The following TTLL7 variants were observed in gnomAD, a reference collection of about 807,000 sequenced individuals.
TTLL7 encodes tubulin polyglutamylase TTLL7.
TTLL7 carries 53 observed loss-of-function variants against 120.2 expected under a neutral mutation model. The observed-to-expected ratio is 0.44, with a 90% CI of 0.35 to 0.55. The LOEUF (loss-of-function observed/expected upper bound fraction) is 0.55, where lower values mean the gene tolerates loss of function less well. TTLL7 is among the 20% of genes least tolerant of loss of function. TTLL7 has a pLI of 0.00. For missense variants in TTLL7, 803 were observed against 1,054.7 expected (o/e 0.76, Z 3.31); for synonymous variants, 353 against 351.7 (o/e 1.00, Z -0.04).
intron 1 of TTLL7, among the ~76,000 whole-genome samples, chr1:83,975,078 C>T (rs1337785933): frequency 6.6e-6 from 1 of 152,064 alleles, no homozygotes; most frequent in Non-Finnish European, 1.5e-5. Flanking sequence ...GTGCCTATTA[C>T]ATAGTGAGCA....
In TTLL7 at chr1:83,917,833, A is replaced by G. The variant is rs1353799753; in HGVS notation, c.1501-143T>C. ...TTGCTCAGAAAAAAGGAGAAATATT[A>G]AAGGGTCACAGCAAATTCTCTTGAA... is the stretch of plus-strand genomic sequence containing the variant. On this transcript the variant is annotated intron_variant, in intron 13 of 20. Transcript: ENST00000260505. The G allele has an allele frequency of 4.8e-6, 3 of 620,326 alleles. No homozygotes were observed. In the African/African-American group the frequency reaches 5.5e-5, roughly 11 times the overall value. 38.4% of individuals were successfully genotyped at this position (620,326 alleles called of 1,614,324 possible).
rs142725383 is a variant in TTLL7 at position 83,934,836 on chromosome 1, T to C, written c.889-1070A>G. On this transcript the variant is annotated intron_variant, in intron 8 of 20. Transcript: ENST00000260505. ...GCTTAAACTTTGTGTGTCTCATTTT[T>C]CCTAAATATAATCTGCAAAAGGTTA... Among the ~76,000 whole-genome samples the C allele has an allele frequency of 3.0e-3, 462 of 152,256 alleles. 2 individuals carry two copies. Among genetic ancestry groups the C allele is most frequent in the African/African-American group, 0.01 (428 of 41,550 alleles).
At chr1:83,955,630 G>A (rs1367254255) in intron 1 of TTLL7, among the ~76,000 whole-genome samples, 2 of 152,178 alleles carry the variant, frequency 1.3e-5, no homozygotes, top group Non-Finnish European at 2.9e-5. Context: ...TCAGAAATTT[G>A]AGAAATAAAT....
chr1:83,892,963 G>GAATA (rs1557571317), intron 18 of TTLL7, among the ~76,000 whole-genome samples: 28 of 117,888 alleles, frequency 2.4e-4, no homozygotes, highest in Non-Finnish European at 4.2e-4. Context: ...AAGAATAAAA[G>GAATA]AAAGAAAGAG....
chr1:83,952,134 A>T, intron 2 of TTLL7, 53 bp downstream of exon 2: 1 of 1,550,700 alleles, frequency 6.4e-7, no homozygotes, highest in Admixed American at 1.7e-5. Context: ...TATTAACAGT[A>T]ATGATGTATA....
chr1:83,997,662 T>C (rs887791374), intron 1 of TTLL7, among the ~76,000 whole-genome samples: 6 of 152,208 alleles, frequency 3.9e-5, no homozygotes, highest in African/African-American at 1.4e-4. Context: ...CAAGTAACAT[T>C]ATCTTAGTAT....
At chr1:83,971,237 G>A (rs1266173470) in intron 1 of TTLL7, among the ~76,000 whole-genome samples, 1 of 152,060 alleles carries the variant, frequency 6.6e-6, no homozygotes, top group African/African-American at 2.4e-5. Flanking sequence ...TCATTTACCT[G>A]ATGATAGATC....
chr1:83,951,934 G>A lies in TTLL7; in HGVS notation c.68C>T (p.Pro23Leu). 1.2e-6 allele frequency: 2 copies of A among 1,612,348 alleles called. No individual in the cohort carries two copies. Among genetic ancestry groups the A allele is most frequent in the Non-Finnish European group, 1.7e-6 (2 of 1,179,398 alleles). ...TTTCCTTTTCATTGTGCTTTGATAA[G>A]GTAATTCTGTATTCAAATCCAGGGG... ...PSPLDLNTEL[P>L]YQSTMKRKVR... Residue 23 changes from proline (P) to leucine (L), a missense_variant, in exon 3 of 21, where the codon CCT (proline) becomes CTT (leucine). Physicochemically the swap from Pro to Leu is moderately conservative, Grantham distance 98 (BLOSUM62 -3). Coordinates refer to ENST00000260505, the MANE Select transcript of TTLL7 (RefSeq NM_024686.6).
chr1:83,940,979 G>C (rs74345073), intron 7 of TTLL7, among the ~76,000 whole-genome samples: 6,338 of 152,146 alleles, frequency 0.042, 156 homozygotes, highest in Middle Eastern at 0.096. Flanking sequence ...ATCCTCATCT[G>C]TGAACAGCCA....
rs942470401 is a variant in TTLL7, at chr1:83,972,202, T to C, written c.-176-19815A>G. 2.6e-5 allele frequency among the ~76,000 whole-genome samples: 4 copies of C among 152,074 alleles called. 1 individual carries two copies. The highest frequency in any genetic ancestry group is 1.3e-4 in the Admixed American group (2 of 15,240). Reference sequence around the variant, plus strand: ...TGGGTTTGGACCAATGTATCCATCATTACAATATCCAAAAGATTATCTTCA... The same window carrying C: ...TGGGTTTGGACCAATGTATCCATCACTACAATATCCAAAAGATTATCTTCA... On this transcript the variant is annotated intron_variant, in intron 1 of 20. Transcript: ENST00000260505.
At chr1:83,953,352 TATG>T (rs1295832458) in intron 1 of TTLL7, among the ~76,000 whole-genome samples, 1 of 152,170 alleles carries the variant, frequency 6.6e-6, no homozygotes, top group Non-Finnish European at 1.5e-5. Flanking sequence ...TAAAACCTAT[TATG>T]ATAAGCAAAG....
intron 10 of TTLL7, among the ~76,000 whole-genome samples, chr1:83,922,471 A>G (rs1342614472): frequency 6.6e-6 from 1 of 152,202 alleles, no homozygotes; most frequent in East Asian, 1.9e-4. Context: ...CTTTTGCCTC[A>G]AGTATGTACC....
At chr1:83,934,757 C>T (rs1212112914) in intron 8 of TTLL7, among the ~76,000 whole-genome samples, 1 of 152,080 alleles carries the variant, frequency 6.6e-6, no homozygotes, top group Non-Finnish European at 1.5e-5. Context: ...AAATAGGCTT[C>T]TTATGTTTCT....
chr1:83,949,805 G>A (rs2100858532), intron 4 of TTLL7, 60 bp downstream of exon 4: 1 of 1,589,726 alleles, frequency 6.3e-7, no homozygotes, highest in East Asian at 2.2e-5. Context: ...ATCTAAAAAA[G>A]TTATGTGGAA....
chr1:83,887,088 A>G, intron 19 of TTLL7: 1 of 296,160 alleles, frequency 3.4e-6, no homozygotes, highest in Non-Finnish European at 5.4e-6. Flanking sequence ...TACATCAGCA[A>G]AACCCCTTGG....
At chr1:83,890,544 T>A (rs962111430) in intron 18 of TTLL7, 63 bp from the exon 19 acceptor site, 13 of 1,408,050 alleles carry the variant, frequency 9.2e-6, no homozygotes, top group Non-Finnish European at 1.3e-5. Flanking sequence ...AATTCAAAGA[T>A]GTAGCTTGAG....
chr1:83,944,769 T>C (rs1648315800), intron 6 of TTLL7, among the ~76,000 whole-genome samples: 1 of 152,164 alleles, frequency 6.6e-6, no homozygotes, highest in South Asian at 2.1e-4. Flanking sequence ...TCCTCATTTT[T>C]CCTAATGAAT....
chr1:83,924,886 A>T (rs779068952), intron 10 of TTLL7, among the ~76,000 whole-genome samples: 2 of 152,226 alleles, frequency 1.3e-5, no homozygotes, highest in Non-Finnish European at 2.9e-5. Context: ...AAGGAAAAAG[A>T]ACAAGAAATG....
Position 83,919,921 on chromosome 1 carries a change from C to G in TTLL7, c.1365-87G>C, listed in dbSNP as rs1037695600. 3.8e-6 allele frequency: 5 copies of G among 1,315,278 alleles called. No individual in the cohort carries two copies. In the Admixed American group the frequency reaches 5.9e-5, roughly 16 times the overall value. 81.5% of individuals were successfully genotyped at this position (1,315,278 alleles called of 1,614,324 possible). A position where few individuals can be genotyped will look rare whatever the true frequency, so the allele number is the denominator to read the frequency against. ...ATCAACTCCATAGACAATCCTTGAC[C>G]ATCTATTCTATACCAGTCACATTGC... On this transcript the variant is annotated intron_variant, in intron 12 of 20. Coordinates refer to ENST00000260505, the MANE Select transcript of TTLL7 (RefSeq NM_024686.6).
Sources: gnomAD v4.1 joint callset for allele counts (sites outside exome capture counted in the v4.1 genomes callset) on GRCh38, gnomAD v4.1.1 for gene constraint, MANE v1.5 for transcripts, NCBI Gene and HGNC (gene_info 2026-07-23, HGNC 2026-07-21) for gene names.